DAZL: variants seen among roughly 807,000 people sequenced by gnomAD.
DAZL encodes the protein deleted in azoospermia-like.
Under a neutral mutation model 45.0 loss-of-function variants are expected in DAZL, and 4 were observed. The observed-to-expected ratio is 0.09, with a 90% CI of 0.04 to 0.20. The LOEUF (loss-of-function observed/expected upper bound fraction) is 0.20. DAZL is among the 10% of genes least tolerant of loss of function. DAZL has a pLI of 1.00. For synonymous variants in DAZL, 122 were observed against 112.4 expected (o/e 1.09, Z -0.54); for missense variants, 326 against 351.3 (o/e 0.93, Z 0.58).
At chr3:16,602,459 T>C (rs1264821582) in intron 1 of DAZL, among the ~76,000 whole-genome samples, 1 of 152,118 alleles carries the variant, frequency 6.6e-6, no homozygotes, top group East Asian at 1.9e-4. Context: ...ACACCAGAAA[T>C]AAAGACAGAA....
In DAZL at chr3:16,598,174, T is replaced by C. The variant is rs780256731; in HGVS notation, c.155A>G (p.Asp52Gly). 8 of 1,592,128 alleles carry C rather than the reference T, an allele frequency of 5.0e-6. No homozygotes were observed. In the Admixed American group the frequency reaches 8.4e-5, roughly 17 times the overall value. The change falls in exon 3 of 11, where the codon GAT (aspartate) becomes GGT (glycine). Residue 52 changes from aspartate (D) to glycine (G), a missense_variant. Transcript: ENST00000399444. ...AAAGAAGCTTCTAATCTCAGTTTCA[T>C]CCATCTATGGAAAAGAATTGAACTT... is the stretch of plus-strand genomic sequence containing the variant. Reference protein sequence around the residue: ...VFVGGIDVRMDETEIRSFFAR... With the variant: ...VFVGGIDVRMGETEIRSFFAR...
At chr3:16,591,186 TA>T (rs1694512157) in intron 10 of DAZL, among the ~76,000 whole-genome samples, 1 of 152,138 alleles carries the variant, frequency 6.6e-6, no homozygotes, top group Non-Finnish European at 1.5e-5. Flanking sequence ...TTTAGACTTG[TA>T]AAAACTGGAG....
rs938765176 is a variant in DAZL at position 16,605,395 on chromosome 3, A to G, written c.-190T>C. Reference sequence around the variant, plus strand: ...AAGGCTGAGGAGCCCCGAAAGGCGGACCGTCAGGCTGAGGAGCGCAGGCGG... The same window carrying G: ...AAGGCTGAGGAGCCCCGAAAGGCGGGCCGTCAGGCTGAGGAGCGCAGGCGG... On this transcript the variant is annotated 5_prime_UTR_variant, in exon 1 of 11. Coordinates refer to ENST00000399444, the MANE Select transcript of DAZL (RefSeq NM_001351.4). 71 of 709,026 alleles carry G rather than the reference A, an allele frequency of 1.0e-4. No individual in the cohort carries two copies. The highest frequency in any genetic ancestry group is 1.6e-5 in the South Asian group (1 of 60,616). The allele number at this position is 709,026 out of a possible 1,614,324, so 43.9% of individuals were successfully genotyped here.
Position 16,598,097 on chromosome 3 carries a change from C to T in DAZL, c.232G>A (p.Val78Met), listed in dbSNP as rs774169043. 1.3e-6 allele frequency: 2 copies of T among 1,591,642 alleles called. No individual in the cohort carries two copies. Among genetic ancestry groups the T allele is most frequent in the Admixed American group, 1.7e-5 (1 of 59,522 alleles). The change falls in exon 3 of 11, where the codon GTG (valine) becomes ATG (methionine). Residue 78 changes from valine (V) to methionine (M), a missense_variant. This residue lies in a region of DAZL where 81 missense variants were observed against 89.6 expected (regional missense o/e 0.90). Transcript: ENST00000399444. ...EVKIITDRTG[V>M]SKGYGFVSFF... ...GATAAAATTACTCACCCTTTGGACA[C>T]ACCAGTTCGATCAGTGATTATCTTC...
chr3:16,599,723 C>G (rs922607069), intron 1 of DAZL, among the ~76,000 whole-genome samples: 3 of 152,084 alleles, frequency 2.0e-5, no homozygotes, highest in Non-Finnish European at 4.4e-5. Context: ...GCAGTAGACT[C>G]TAAGGCTAAT....
At chr3:16,602,235 T>C (rs987503058) in intron 1 of DAZL, among the ~76,000 whole-genome samples, 1 of 152,138 alleles carries the variant, frequency 6.6e-6, no homozygotes, top group Admixed American at 6.5e-5. Context: ...GACCACAGAT[T>C]ATAAAACAAT....
At chr3:16,601,522 G>A (rs954646804) in intron 1 of DAZL, among the ~76,000 whole-genome samples, 1 of 152,068 alleles carries the variant, frequency 6.6e-6, no homozygotes, top group Admixed American at 6.5e-5. Context: ...AATTCCTACT[G>A]TATTTATACA....
At chr3:16,593,378 G>T (rs923013450) in intron 9 of DAZL, among the ~76,000 whole-genome samples, 6 of 151,986 alleles carry the variant, frequency 3.9e-5, no homozygotes, top group African/African-American at 7.3e-5. Flanking sequence ...CTCCTATCTT[G>T]CCCAGGGTGG....
chr3:16,604,879 CCT>C (rs895233097), intron 1 of DAZL: 3 of 724,472 alleles, frequency 4.1e-6, no homozygotes, highest in Non-Finnish European at 6.6e-6. Context: ...GCACCCCAAA[CCT>C]CTGCCAGTAG....
At chr3:16,598,937 C>A (rs12486324) in intron 1 of DAZL, among the ~76,000 whole-genome samples, 3 of 152,068 alleles carry the variant, frequency 2.0e-5, no homozygotes, top group Admixed American at 2.0e-4. Flanking sequence ...GCGCCCGACA[C>A]CACGCCCGGC....
At chr3:16,592,190 C>T (rs1380432851) in intron 9 of DAZL, 42 bp from the exon 10 acceptor site, 1 of 1,603,738 alleles carries the variant, frequency 6.2e-7, no homozygotes, top group Non-Finnish European at 8.5e-7. Flanking sequence ...ACGACTCTTT[C>T]ACTCACTCTT....
intron 10 of DAZL, among the ~76,000 whole-genome samples, chr3:16,590,334 T>C (rs1280573717): frequency 6.6e-6 from 1 of 152,174 alleles, no homozygotes; most frequent in Non-Finnish European, 1.5e-5. Context: ...ATACAGGAGA[T>C]CCATAATAAT....
chr3:16,605,396 C>G lies in DAZL; in HGVS notation c.-191G>C, dbSNP rs571826634. On this transcript the variant is annotated 5_prime_UTR_variant, in exon 1 of 11. Transcript: ENST00000399444. ...AGGCTGAGGAGCCCCGAAAGGCGGA[C>G]CGTCAGGCTGAGGAGCGCAGGCGGA... 1.6e-5 allele frequency: 11 copies of G among 707,252 alleles called. No individual in the cohort carries two copies. The East Asian group carries it at 3.0e-4, about 19-fold the overall frequency. The allele number at this position is 707,252 out of a possible 1,614,324, so 43.8% of individuals were successfully genotyped here. A position where few individuals can be genotyped will look rare whatever the true frequency, so the allele number is the denominator to read the frequency against.
intron 10 of DAZL, among the ~76,000 whole-genome samples, chr3:16,589,994 C>A (rs1413804719): frequency 6.6e-6 from 1 of 151,972 alleles, no homozygotes; most frequent in African/African-American, 2.4e-5. Flanking sequence ...GGATCCCTTG[C>A]GTCAGGAGTT....
chr3:16,597,963 C>A, intron 3 of DAZL, 124 bp downstream of exon 3: 1 of 1,053,962 alleles, frequency 9.5e-7, no homozygotes, highest in South Asian at 1.5e-5. Flanking sequence ...AAACTTTTAT[C>A]CTCTACATGA....
rs116172431 is a variant in DAZL, at chr3:16,605,293, G to T, written c.-88C>A. The stretch of plus-strand genomic sequence containing the variant: ...CACTTCTGGGGCTGCTGTGAGGTCC[G>T]CTGGAACCCGCTGCGCGGCTTCGAG... On this transcript the variant is annotated 5_prime_UTR_variant, in exon 1 of 11. Transcript: ENST00000399444. The T allele has an allele frequency of 6.7e-6, 10 of 1,497,476 alleles. No homozygotes were observed. Among genetic ancestry groups the T allele is most frequent in the African/African-American group, 2.8e-5 (2 of 72,464 alleles). The allele number at this position is 1,497,476 out of a possible 1,614,324, so 92.8% of individuals were successfully genotyped here.
At position 16,594,590 on chromosome 3, in the gene DAZL, A is replaced by G. The variant is rs779797595; in HGVS notation, c.571-7T>C. On this transcript the variant is annotated splice_region_variant and splice_polypyrimidine_tract_variant and intron_variant, in intron 7 of 10. Transcript: ENST00000399444. Reference sequence around the variant, plus strand: ...CAGGCCACTGTGGTGGCATCTTAAAAAAAAAAAAAAGGAAACCAAAATTAT... The same window carrying G: ...CAGGCCACTGTGGTGGCATCTTAAAGAAAAAAAAAAGGAAACCAAAATTAT... 5.2e-6 allele frequency: 8 copies of G among 1,553,050 alleles called. No homozygotes were observed. The highest frequency in any genetic ancestry group is 6.1e-6 in the Non-Finnish European group (7 of 1,152,720).
rs900095605 is a variant in DAZL, at chr3:16,604,775, G to A, written c.3+428C>T. 1.1e-5 allele frequency: 15 copies of A among 1,359,736 alleles called. No homozygotes were observed. The East Asian group carries it at 1.7e-4, about 15-fold the overall frequency. 84.2% of individuals were successfully genotyped at this position (1,359,736 alleles called of 1,614,324 possible). Reference sequence around the variant, plus strand: ...GCGCCAGAAATGAGGCTGGCGGGGCGGAGGCGCGTGGGAGTGGGGGAGGGG... The same window carrying A: ...GCGCCAGAAATGAGGCTGGCGGGGCAGAGGCGCGTGGGAGTGGGGGAGGGG... On this transcript the variant is annotated intron_variant, in intron 1 of 10. Transcript: ENST00000399444.
At chr3:16,599,818 A>C (rs1307890617) in intron 1 of DAZL, among the ~76,000 whole-genome samples, 2 of 152,222 alleles carry the variant, frequency 1.3e-5, no homozygotes, top group Admixed American at 1.3e-4. Context: ...TAATTTAGTC[A>C]GGAGATCTAG....
Sources: allele counts gnomAD v4.1 joint callset (sites outside exome capture counted in the v4.1 genomes callset), GRCh38; gene constraint gnomAD v4.1.1; regional missense constraint gnomAD v4.1.1; transcripts MANE v1.5; gene names NCBI Gene and HGNC (gene_info 2026-07-23, HGNC 2026-07-21).